The following GRIK4 variants were observed in gnomAD, a reference collection of about 807,000 sequenced individuals.
GRIK4 encodes glutamate receptor ionotropic, kainate 4.
In GRIK4, 40 loss-of-function variants were observed where a neutral mutation model predicts 104.9. That is an observed-to-expected ratio of 0.38 (90% CI 0.30 to 0.50). The LOEUF (loss-of-function observed/expected upper bound fraction) is 0.50. Ranked by LOEUF, GRIK4 falls within the 20% of genes least tolerant of loss-of-function variation. The probability of loss-of-function intolerance (pLI) is 0.93; values close to 1 mark genes in which losing one functional copy is unlikely to be tolerated. For synonymous variants in GRIK4, 485 were observed against 524.9 expected (o/e 0.92, Z 1.04); for missense variants, 1,047 against 1,308.1 (o/e 0.80, Z 3.08).
Position 120,660,255 on chromosome 11 carries a change from C to A in GRIK4, c.-50-14C>A. 8.3e-7 allele frequency: 1 copy of A among 1,203,902 alleles called. No individual in the cohort carries two copies. Among genetic ancestry groups the A allele is most frequent in the African/African-American group, 1.5e-5 (1 of 67,256 alleles). 74.6% of individuals were successfully genotyped at this position (1,203,902 alleles called of 1,614,324 possible). A position where few individuals can be genotyped will look rare whatever the true frequency, so the allele number is the denominator to read the frequency against. ...AGCCTGGGACTCACGTGCCCCCAAC[C>A]CCCTCTCTCGCAGAGTTATGTCATG... On this transcript the variant is annotated splice_polypyrimidine_tract_variant and intron_variant, in intron 2 of 20. Transcript: ENST00000527524.
In GRIK4 at chr11:120,986,242, C is replaced by G. The variant is rs909054902; in HGVS notation, c.2853C>G (p.Asn951Lys). The G allele has an allele frequency of 1.9e-6, 3 of 1,569,210 alleles. No homozygotes were observed. Among genetic ancestry groups the G allele is most frequent in the Non-Finnish European group, 2.6e-6 (3 of 1,167,418 alleles). Reference protein sequence around the residue: ...EESLEWEKTTNSSEPE With the variant: ...EESLEWEKTTKSSEPE ...GCCTGGAGTGGGAGAAAACCACCAA[C>G]AGCAGCGAGCCCGAGTAGTCCCGGA... The change falls in exon 21 of 21, where the codon AAC becomes AAG. Residue 951 changes from asparagine to lysine, a missense_variant. By Grantham distance (94) the Asn-to-Lys change is moderately conservative (BLOSUM62 0). This residue lies in a region of GRIK4 where 160 missense variants were observed against 140.9 expected (regional missense o/e 1.14). Coordinates refer to ENST00000527524, the MANE Select transcript of GRIK4 (RefSeq NM_014619.5).
chr11:120,898,777 C>T (rs1942654190), intron 12 of GRIK4, 138 bp downstream of exon 12: 5 of 630,238 alleles, frequency 7.9e-6, no homozygotes, highest in Middle Eastern at 2.6e-4. Flanking sequence ...AGCGTAATTA[C>T]ACTCAAGTTG....
At chr11:120,767,619 G>T (rs758411984) in intron 3 of GRIK4, among the ~76,000 whole-genome samples, 1 of 152,010 alleles carries the variant, frequency 6.6e-6, no homozygotes, top group South Asian at 2.1e-4. Context: ...AAAAATCATT[G>T]TTAAGGCCAG....
intron 3 of GRIK4, among the ~76,000 whole-genome samples, chr11:120,727,522 CA>C (rs1173659421): frequency 6.6e-6 from 1 of 151,972 alleles, no homozygotes. Context: ...TGATTGGATC[CA>C]ACTTTAATAA....
rs1056297638 is a variant in GRIK4 at position 120,903,021 on chromosome 11, C to G, written c.1273-2269C>G. On this transcript the variant is annotated intron_variant, in intron 12 of 20. Transcript: ENST00000527524. This position sits in a 1 kb window ranked among gnomAD's most constrained non-coding sequence, Gnocchi z 4.4. ...ATCACGCCCACATCCTGCTCTCCCT[C>G]ACAGTCCCTCCATGACCTTGTGTCT... Among the ~76,000 whole-genome samples the G allele has an allele frequency of 1.3e-5, 2 of 152,200 alleles. No individual in the cohort carries two copies. Among genetic ancestry groups the G allele is most frequent in the Non-Finnish European group, 2.9e-5 (2 of 68,038 alleles).
chr11:120,806,622 G>A (rs1391777017), intron 4 of GRIK4, among the ~76,000 whole-genome samples: 1 of 152,208 alleles, frequency 6.6e-6, no homozygotes, highest in Non-Finnish European at 1.5e-5. Flanking sequence ...GATTGAAGCT[G>A]GGGCTGTAGC....
intron 14 of GRIK4, among the ~76,000 whole-genome samples, chr11:120,950,245 G>T (rs995932989): frequency 1.3e-5 from 2 of 152,312 alleles, no homozygotes; most frequent in Middle Eastern, 3.4e-3. Flanking sequence ...ATCAGATGTT[G>T]CCTTGCCAAC....
intron 5 of GRIK4, 29 bp downstream of exon 5, chr11:120,815,504 CTG>C: frequency 2.3e-6 from 3 of 1,331,712 alleles, no homozygotes; most frequent in East Asian, 5.2e-5. Context: ...TGGGGAATAT[CTG>C]TGTGCTGGAG....
intron 11 of GRIK4, among the ~76,000 whole-genome samples, chr11:120,887,060 A>G (rs1485869274): frequency 6.6e-6 from 1 of 152,190 alleles, no homozygotes; most frequent in East Asian, 1.9e-4. Flanking sequence ...TCATTCTTGG[A>G]AAGTTCTTCT....
At chr11:120,973,449 G>T (rs1327482036) in intron 19 of GRIK4, among the ~76,000 whole-genome samples, 1 of 152,210 alleles carries the variant, frequency 6.6e-6, no homozygotes, top group Non-Finnish European at 1.5e-5. Context: ...TCCTGTCCAG[G>T]TCCCAAATGC....
chr11:120,526,202 CTCTT>C (rs1286048573), intron 1 of GRIK4, among the ~76,000 whole-genome samples: 7 of 152,048 alleles, frequency 4.6e-5, no homozygotes, highest in African/African-American at 1.7e-4. Flanking sequence ...ATGTGCACTT[CTCTT>C]TCTTTTTTTC....
chr11:120,571,741 C>A (rs560868524), intron 1 of GRIK4, among the ~76,000 whole-genome samples: 1 of 152,240 alleles, frequency 6.6e-6, no homozygotes, highest in Admixed American at 6.5e-5. Flanking sequence ...CTTTCTGACA[C>A]CCTGCACCTT....
At chr11:120,694,776 C>T (rs1188693386) in intron 3 of GRIK4, among the ~76,000 whole-genome samples, 1 of 152,148 alleles carries the variant, frequency 6.6e-6, no homozygotes, top group African/African-American at 2.4e-5. Flanking sequence ...TGCAAGTGCC[C>T]GGGTTCATTG....
Position 120,836,842 on chromosome 11 carries a change from C to A in GRIK4, c.742C>A (p.Leu248Met). Residue 248 changes from leucine (L) to methionine (M), a missense_variant and splice_region_variant, in exon 8 of 21, where the codon CTG (leucine) becomes ATG (methionine). Around this residue, in one of 3 missense-constraint regions of GRIK4, gnomAD observed 447 missense variants for 514.9 expected, o/e 0.87. Coordinates refer to ENST00000527524, the MANE Select transcript of GRIK4 (RefSeq NM_014619.5). ...CTATTACACATACATCTTCACTAATCTGGTAAGATGTTCTCACAGCTCACC... is the reference window on the plus strand; with the variant it reads ...CTATTACACATACATCTTCACTAATATGGTAAGATGTTCTCACAGCTCACC... Reference protein sequence around the residue: ...SAYYTYIFTNLEFSLQRMDSL... With the variant: ...SAYYTYIFTNMEFSLQRMDSL... 1 of 1,572,778 alleles carries A rather than the reference C, an allele frequency of 6.4e-7. No homozygotes were observed. Among genetic ancestry groups the A allele is most frequent in the Non-Finnish European group, 8.8e-7 (1 of 1,142,220 alleles).
intron 3 of GRIK4, among the ~76,000 whole-genome samples, chr11:120,755,653 TAATAATAATAAA>T (rs754508909): frequency 1.5e-4 from 23 of 150,624 alleles, no homozygotes; most frequent in African/African-American, 4.4e-4. Context: ...ATAATAATAA[TAATAATAATAAA>T]AATAATTTAC....
intron 3 of GRIK4, among the ~76,000 whole-genome samples, chr11:120,765,458 A>G (rs7104454): frequency 0.31 from 47,113 of 151,896 alleles, 10,400 homozygotes; most frequent in African/African-American, 0.63. Context: ...GCCTACTTCT[A>G]TCAATTCGTC....
chr11:120,516,945 TG>T, intron 1 of GRIK4, among the ~76,000 whole-genome samples: 2 of 149,348 alleles, frequency 1.3e-5, no homozygotes, highest in African/African-American at 2.5e-5. Context: ...CAGCAGCCAC[TG>T]TCTAGTCTTG....
chr11:120,870,030 C>T (rs181647237), intron 9 of GRIK4: 2 of 152,432 alleles, frequency 1.3e-5, no homozygotes, highest in East Asian at 3.9e-4. Context: ...AGCATCCCAA[C>T]CAGACACAGA....
chr11:120,735,304 A>T (rs920950689), intron 3 of GRIK4, among the ~76,000 whole-genome samples: 3 of 152,180 alleles, frequency 2.0e-5, no homozygotes, highest in Non-Finnish European at 2.9e-5. Flanking sequence ...TTACCACCTT[A>T]GTGGTCTTGG....
Sources: gnomAD v4.1 joint callset for allele counts (sites outside exome capture counted in the v4.1 genomes callset) on GRCh38, gnomAD v4.1.1 for gene constraint, gnomAD v4.1.1 regional missense constraint, Gnocchi (gnomAD v3.1) non-coding constraint, MANE v1.5 for transcripts, NCBI Gene and HGNC (gene_info 2026-07-23, HGNC 2026-07-21) for gene names.